CSMD1: variants seen among roughly 807,000 people sequenced by gnomAD.
The protein encoded by CSMD1 is CUB and sushi domain-containing protein 1.
CSMD1 carries 213 observed loss-of-function variants against 417.5 expected under a neutral mutation model. The observed-to-expected ratio is 0.51, with a 90% CI of 0.46 to 0.57. CSMD1 has a LOEUF of 0.57. Among genes scored for constraint, CSMD1 ranks in the 20% least tolerant of loss-of-function variants. CSMD1 has a pLI of 0.00. For synonymous variants in CSMD1, 2,862 were observed against 1,736.8 expected (o/e 1.65, Z -16.11); for missense variants, 6,923 against 4,529.7 (o/e 1.53, Z -15.17).
chr8:3,306,182 G>GATATCTATGTGTAATACACATTACTAA (rs1296751095), intron 25 of CSMD1, among the ~76,000 whole-genome samples: 200 of 152,098 alleles, frequency 1.3e-3, no homozygotes, highest in African/African-American at 4.4e-3. Context: ...GTAAGTGTAT[G>GATATCTATGTGTAATACACATTACTAA]ATATCTATGT....
intron 3 of CSMD1, among the ~76,000 whole-genome samples, chr8:4,320,092 T>G (rs116084913): frequency 0.011 from 1,719 of 152,238 alleles, 33 homozygotes; most frequent in African/African-American, 0.039. Flanking sequence ...ACATTACATG[T>G]TCAAAAAAAT....
chr8:4,260,267 A>C (rs990254559), intron 3 of CSMD1, among the ~76,000 whole-genome samples: 1 of 152,150 alleles, frequency 6.6e-6, no homozygotes, highest in East Asian at 1.9e-4. Context: ...TTACTAGTGA[A>C]ATTAATGTTT....
At chr8:4,726,345 A>C (rs1809443566) in intron 1 of CSMD1, among the ~76,000 whole-genome samples, 1 of 151,336 alleles carries the variant, frequency 6.6e-6, no homozygotes, top group Admixed American at 6.6e-5. Flanking sequence ...TGTATTCCTG[A>C]AAGATAGTTA....
chr8:4,232,488 T>C (rs887832947), intron 3 of CSMD1, among the ~76,000 whole-genome samples: 1 of 152,174 alleles, frequency 6.6e-6, no homozygotes, highest in African/African-American at 2.4e-5. Flanking sequence ...CATGAGCAAC[T>C]GCGCCCAGCC....
intron 5 of CSMD1, among the ~76,000 whole-genome samples, chr8:3,806,542 A>G (rs1419203735): frequency 6.6e-6 from 1 of 152,112 alleles, no homozygotes; most frequent in East Asian, 1.9e-4. Context: ...TTCACTCACT[A>G]CCTACACGCA....
chr8:3,578,720 G>T (rs73660308), intron 9 of CSMD1, among the ~76,000 whole-genome samples: 2 of 152,066 alleles, frequency 1.3e-5, no homozygotes, highest in Non-Finnish European at 2.9e-5. Context: ...GGAGACAGCC[G>T]AGGGAAACTG....
At chr8:3,167,564 T>G (rs1585535920) in intron 37 of CSMD1, among the ~76,000 whole-genome samples, 1 of 152,248 alleles carries the variant, frequency 6.6e-6, no homozygotes, top group East Asian at 1.9e-4. Context: ...ATACATTTTG[T>G]GTTCAATTCC....
At chr8:3,794,279 A>G (rs1261771141) in intron 5 of CSMD1, among the ~76,000 whole-genome samples, 1 of 152,156 alleles carries the variant, frequency 6.6e-6, no homozygotes, top group African/African-American at 2.4e-5. Context: ...TTCCCTTAGT[A>G]TTCCTAGGTG....
chr8:3,536,337 A>T lies in CSMD1; in HGVS notation c.1344+38608T>A, dbSNP rs74632746. ...TTTAAAATGGCAGCCTGTGGCTTCAATTAATGTTAACACTTAAGTGAGGGT... is the reference window on the plus strand; with the variant it reads ...TTTAAAATGGCAGCCTGTGGCTTCATTTAATGTTAACACTTAAGTGAGGGT... On this transcript the variant is annotated intron_variant, in intron 10 of 69. Coordinates refer to ENST00000635120, the MANE Select transcript of CSMD1 (RefSeq NM_033225.6). 1.3e-3 allele frequency among the ~76,000 whole-genome samples: 202 copies of T among 152,346 alleles called. 4 individuals are homozygous for T. The East Asian group carries it at 0.037, about 28-fold the overall frequency.
intron 3 of CSMD1, among the ~76,000 whole-genome samples, chr8:4,110,045 C>A (rs556274137): frequency 2.0e-5 from 3 of 152,240 alleles, no homozygotes; most frequent in South Asian, 2.1e-4. Context: ...CCAGGCTAGA[C>A]TGAAACTTGA....
At chr8:4,992,372 G>A (rs953366790) in intron 1 of CSMD1, among the ~76,000 whole-genome samples, 1 of 152,238 alleles carries the variant, frequency 6.6e-6, no homozygotes, top group African/African-American at 2.4e-5. Context: ...AATTGCGGGG[G>A]AAGGCAGCCG....
At chr8:4,382,828 T>G (rs565704623) in intron 3 of CSMD1, among the ~76,000 whole-genome samples, 1 of 152,202 alleles carries the variant, frequency 6.6e-6, no homozygotes, top group Non-Finnish European at 1.5e-5. Flanking sequence ...ATCATTACAT[T>G]GTGACAACGA....
intron 59 of CSMD1, 102 bp downstream of exon 59, chr8:2,965,673 G>T (rs769717873): frequency 4.3e-6 from 4 of 921,028 alleles, no homozygotes; most frequent in South Asian, 2.0e-5. Context: ...AGAATTCCTA[G>T]CCCCTAGAAG....
At chr8:3,052,684 C>T in intron 49 of CSMD1, 37 bp from the exon 50 acceptor site, 1 of 1,422,858 alleles carries the variant, frequency 7.0e-7, no homozygotes, top group Non-Finnish European at 9.4e-7. Flanking sequence ...CTTATTCTTA[C>T]AGAAATTATT....
At chr8:4,464,447 A>C (rs1207745592) in intron 2 of CSMD1, among the ~76,000 whole-genome samples, 3 of 152,212 alleles carry the variant, frequency 2.0e-5, no homozygotes, top group Non-Finnish European at 4.4e-5. Flanking sequence ...CAGAACACGC[A>C]CATTAGCCTA....
chr8:3,609,755 A>G (rs1801796891), intron 8 of CSMD1, among the ~76,000 whole-genome samples: 1 of 148,100 alleles, frequency 6.8e-6, no homozygotes, highest in Non-Finnish European at 1.5e-5. Context: ...AAAAAAACCG[A>G]ATTACCTTTC....
chr8:3,272,296 G>C (rs933350421), intron 26 of CSMD1, among the ~76,000 whole-genome samples: 6 of 145,372 alleles, frequency 4.1e-5, no homozygotes, highest in African/African-American at 1.5e-4. Flanking sequence ...CTATATCTCT[G>C]TTTTGGTACC....
chr8:4,712,787 G>C (rs192761967), intron 1 of CSMD1, among the ~76,000 whole-genome samples: 1 of 151,980 alleles, frequency 6.6e-6, no homozygotes, highest in Non-Finnish European at 1.5e-5. Context: ...ACTGCCTGTT[G>C]GTTTCGTGCT....
chr8:3,523,560 CAG>C (rs1324439294), intron 10 of CSMD1, among the ~76,000 whole-genome samples: 8 of 152,072 alleles, frequency 5.3e-5, no homozygotes. Context: ...CATGTGCACA[CAG>C]ATGCACACAC....
Sources: allele counts gnomAD v4.1 joint callset (sites outside exome capture counted in the v4.1 genomes callset), GRCh38; gene constraint gnomAD v4.1.1; transcripts MANE v1.5; gene names NCBI Gene and HGNC (gene_info 2026-07-23, HGNC 2026-07-21).